Variants in COP1 observed in about 807,000 individuals in gnomAD.
COP1 encodes the protein COP1 E3 ubiquitin ligase.
COP1 carries 24 observed loss-of-function variants against 101.3 expected under a neutral mutation model. The observed-to-expected ratio is 0.24, with a 90% CI of 0.17 to 0.33. The LOEUF is 0.33. Among genes scored for constraint, COP1 ranks in the 10% least tolerant of loss-of-function variants. COP1 has a pLI of 1.00. For synonymous variants in COP1, 347 were observed against 341.9 expected, an observed-to-expected ratio of 1.01 and a Z score of -0.17; for missense variants, 663 against 906.2, an observed-to-expected ratio of 0.73 and a Z score of 3.45.
chr1:175,957,019 C>T (rs1349159850), intron 18 of COP1, among the ~76,000 whole-genome samples: 3 of 151,876 alleles, frequency 2.0e-5, no homozygotes, highest in South Asian at 2.1e-4. Context: ...AAAATCTGTA[C>T]AGCTGTACAA....
chr1:175,998,456 TATA>T (rs1419681774), intron 15 of COP1, among the ~76,000 whole-genome samples: 2 of 143,854 alleles, frequency 1.4e-5, no homozygotes, highest in African/African-American at 2.6e-5. Context: ...AAACTTAAAG[TATA>T]ATAATAATAA....
intron 9 of COP1, among the ~76,000 whole-genome samples, chr1:176,094,013 C>T (rs540952192): frequency 9.7e-4 from 122 of 125,892 alleles, no homozygotes; most frequent in African/African-American, 3.3e-3. Context: ...CAGAGTGAGA[C>T]TCTGTCTCAA....
intron 6 of COP1, among the ~76,000 whole-genome samples, chr1:176,138,257 A>G (rs2149752735): frequency 6.6e-6 from 1 of 152,312 alleles, no homozygotes; most frequent in East Asian, 1.9e-4. Context: ...ATCAATAAGT[A>G]TAGTCAGAAG....
chr1:176,080,104 A>G (rs542336248), intron 11 of COP1, among the ~76,000 whole-genome samples: 1 of 152,324 alleles, frequency 6.6e-6, no homozygotes, highest in South Asian at 2.1e-4. Flanking sequence ...TGGAAATTAA[A>G]AGGTATTTTG....
intron 10 of COP1, among the ~76,000 whole-genome samples, chr1:176,081,830 G>C (rs1679212135): frequency 1.3e-5 from 2 of 152,018 alleles, no homozygotes; most frequent in South Asian, 2.1e-4. Context: ...GCAATGTTAT[G>C]AACTATTAAT....
intron 3 of COP1, among the ~76,000 whole-genome samples, chr1:176,172,307 G>A (rs1696198872): frequency 6.6e-6 from 1 of 152,192 alleles, no homozygotes; most frequent in African/African-American, 2.4e-5. Flanking sequence ...CTTCCAAAGT[G>A]TTAGGATTAT....
Position 176,207,176 on chromosome 1 carries a change from T to G in COP1, c.-198A>C. On this transcript the variant is annotated 5_prime_UTR_variant, in exon 1 of 20. Transcript: ENST00000367669. ...TCCCACGGGAGGGGGCGGAGGAAACTAAAAAAGCGGAGTAGAAGGCACTAC... is the reference window on the plus strand; with the variant it reads ...TCCCACGGGAGGGGGCGGAGGAAACGAAAAAAGCGGAGTAGAAGGCACTAC... The G allele has an allele frequency of 2.3e-6, 1 of 429,260 alleles. No homozygotes were observed. The highest frequency in any genetic ancestry group is 4.0e-6 in the Non-Finnish European group (1 of 249,572). The allele number at this position is 429,260 out of a possible 1,614,324, so 26.6% of individuals were successfully genotyped here.
intron 10 of COP1, among the ~76,000 whole-genome samples, chr1:176,085,354 G>A (rs1215778732): frequency 6.6e-6 from 1 of 151,878 alleles, no homozygotes; most frequent in South Asian, 2.1e-4. Flanking sequence ...ACACAGAACT[G>A]TTTATCTGTT....
intron 15 of COP1, among the ~76,000 whole-genome samples, chr1:176,025,622 C>G (rs1024657433): frequency 6.6e-6 from 1 of 151,828 alleles, no homozygotes; most frequent in Non-Finnish European, 1.5e-5. Flanking sequence ...CAAACAATAG[C>G]CAGGGCGCAG....
At chr1:176,002,024 A>G (rs1284275571) in intron 15 of COP1, among the ~76,000 whole-genome samples, 1 of 152,116 alleles carries the variant, frequency 6.6e-6, no homozygotes. Flanking sequence ...GCCATTTCCA[A>G]GATTCTCTTC....
At chr1:176,048,195 CTT>C (rs10680105) in intron 11 of COP1, among the ~76,000 whole-genome samples, 20 of 126,614 alleles carry the variant, frequency 1.6e-4, no homozygotes, top group East Asian at 6.9e-4. Flanking sequence ...AATTAAAATT[CTT>C]TTTTTTTTTT....
intron 6 of COP1, among the ~76,000 whole-genome samples, chr1:176,147,007 T>A (rs980594672): frequency 6.6e-6 from 1 of 152,222 alleles, no homozygotes; most frequent in South Asian, 2.1e-4. Flanking sequence ...CTGATTGGTA[T>A]ATATCAATGT....
chr1:175,965,702 C>T (rs1651935814), intron 18 of COP1, among the ~76,000 whole-genome samples: 1 of 152,108 alleles, frequency 6.6e-6, no homozygotes, highest in Non-Finnish European at 1.5e-5. Context: ...GATCCTCCTG[C>T]TTCAGCCTCC....
rs558690741 is a variant in COP1 at position 176,003,860 on chromosome 1, G to C, written c.1730-14381C>G. Among the ~76,000 whole-genome samples the C allele has an allele frequency of 9.7e-4, 148 of 152,132 alleles. 2 individuals are homozygous for C. The highest frequency in any genetic ancestry group is 5.8e-3 in the South Asian group (28 of 4,822). ...CTCTTTTTTGGTTCCATATGAACTTGAAAGTAGTTTTTTCCAATTCTGTGA... is the reference window on the plus strand; with the variant it reads ...CTCTTTTTTGGTTCCATATGAACTTCAAAGTAGTTTTTTCCAATTCTGTGA... On this transcript the variant is annotated intron_variant, in intron 15 of 19. Transcript: ENST00000367669.
chr1:176,067,221 T>C (rs889674603), intron 11 of COP1, among the ~76,000 whole-genome samples: 3 of 152,000 alleles, frequency 2.0e-5, no homozygotes, highest in Admixed American at 6.6e-5. Context: ...CAAACTGATA[T>C]GGGAGAGGGG....
At chr1:176,003,574 G>T (rs1390782261) in intron 15 of COP1, among the ~76,000 whole-genome samples, 1 of 151,388 alleles carries the variant, frequency 6.6e-6, no homozygotes, top group South Asian at 2.1e-4. Context: ...CATATGGCTA[G>T]CCAGTTTTCC....
intron 2 of COP1, among the ~76,000 whole-genome samples, chr1:176,179,962 A>T (rs2101979686): frequency 6.6e-6 from 1 of 152,296 alleles, no homozygotes; most frequent in African/African-American, 2.4e-5. Context: ...ATTATATTGT[A>T]AAATCAAAGT....
At chr1:176,103,916 CTAGA>C (rs1683866895) in intron 9 of COP1, among the ~76,000 whole-genome samples, 1 of 151,872 alleles carries the variant, frequency 6.6e-6, no homozygotes, top group South Asian at 2.1e-4. Context: ...TTTTAGGGAG[CTAGA>C]TAAACTGATA....
At chr1:176,026,022 A>C (rs895212670) in intron 15 of COP1, among the ~76,000 whole-genome samples, 2 of 152,206 alleles carry the variant, frequency 1.3e-5, no homozygotes, top group African/African-American at 4.8e-5. Flanking sequence ...TAAGAATCCC[A>C]AAAGAATTTT....
Sources: gnomAD v4.1 joint callset for allele counts (sites outside exome capture counted in the v4.1 genomes callset) on GRCh38, gnomAD v4.1.1 for gene constraint, MANE v1.5 for transcripts, NCBI Gene and HGNC (gene_info 2026-07-23, HGNC 2026-07-21) for gene names.